SIRT4: variants seen among roughly 807,000 people sequenced by gnomAD.
The protein encoded by SIRT4 is NAD-dependent protein lipoamidase sirtuin-4, mitochondrial.
SIRT4 carries 23 observed loss-of-function variants against 26.1 expected under a neutral mutation model. The ratio of observed to expected loss-of-function variants is 0.88; its 90% CI spans 0.63 to 1.25. SIRT4 has a LOEUF of 1.25. Ranked by LOEUF, SIRT4 falls within the 50% of genes most tolerant of loss-of-function variation. The probability of loss-of-function intolerance (pLI) is 0.00; values close to 1 mark genes in which losing one functional copy is unlikely to be tolerated. For synonymous variants in SIRT4, 155 were observed against 158.4 expected, an observed-to-expected ratio of 0.98 and a Z score of 0.16; for missense variants, 361 against 405.4, an observed-to-expected ratio of 0.89 and a Z score of 0.94.
chr12:120,312,570 C>T lies in SIRT4; in HGVS notation c.612C>T (p.Asp204=), dbSNP rs150373559. The T allele has an allele frequency of 1.1e-3, 1,729 of 1,614,162 alleles. 16 individuals are homozygous for T. The highest frequency in any genetic ancestry group is 5.9e-3 in the East Asian group (264 of 44,880). ...AEAHGLAPDG[D]VFLSEEQVRS... Reference sequence around the variant, plus strand: ...CCCATGGCCTGGCTCCTGATGGTGACGTCTTTCTCTCAGAGGAGCAAGTCC... The same window carrying T: ...CCCATGGCCTGGCTCCTGATGGTGATGTCTTTCTCTCAGAGGAGCAAGTCC... Residue 204 remains aspartate, a synonymous_variant, in exon 3 of 4, where the codon GAC becomes GAT. Coordinates refer to ENST00000202967, the MANE Select transcript of SIRT4 (RefSeq NM_012240.3).
rs768231075 is a variant in SIRT4, at chr12:120,303,970, C to T, written c.409C>T (p.Leu137=). 5.6e-6 allele frequency: 9 copies of T among 1,614,056 alleles called. No homozygotes were observed. In the East Asian group the frequency reaches 1.3e-4, roughly 24 times the overall value. ...GAGCACCTGGGAGAAACTCGGAAAG[C>T]TGTACTGGTTGGTGACCCAAAATGT... ...ALSTWEKLGK[L]YWLVTQNVDA... is the part of the protein sequence containing the mutation. Residue 137 remains leucine (L), a synonymous_variant, in exon 2 of 4, where the codon CTG becomes TTG. Coordinates refer to ENST00000202967, the MANE Select transcript of SIRT4 (RefSeq NM_012240.3).
At chr12:120,293,146 G>C in the SIRT4 span, 7 of 152,150 alleles carry the variant, frequency 4.6e-5, no homozygotes, top group East Asian at 1.9e-4. Flanking sequence ...ATTGCAAGTC[G>C]TCACGGCGGG....
chr12:120,307,804 G>C (rs1872799092), intron 2 of SIRT4, among the ~76,000 whole-genome samples: 1 of 152,044 alleles, frequency 6.6e-6, no homozygotes, highest in African/African-American at 2.4e-5. Flanking sequence ...GTTGTAATGA[G>C]CTGAAATCGC....
the SIRT4 span, among the ~76,000 whole-genome samples, chr12:120,294,531 AC>A: frequency 6.6e-6 from 1 of 151,974 alleles, no homozygotes; most frequent in Non-Finnish European, 1.5e-5. Context: ...TGCTGGGATT[AC>A]AGCCGTGAGC....
intron 2 of SIRT4, among the ~76,000 whole-genome samples, chr12:120,304,645 AAAAAAG>A (rs1323799242): frequency 1.8e-4 from 27 of 150,508 alleles, no homozygotes; most frequent in African/African-American, 6.6e-4. Flanking sequence ...AAAAAAAAGA[AAAAAAG>A]AAAAAAAAAA....
chr12:120,306,629 C>T (rs1872756761), intron 2 of SIRT4, among the ~76,000 whole-genome samples: 1 of 152,074 alleles, frequency 6.6e-6, no homozygotes, highest in Admixed American at 6.6e-5. Context: ...CGGTGAAACC[C>T]CATCTCTACT....
At chr12:120,293,853 T>C in the SIRT4 span, among the ~76,000 whole-genome samples, 2 of 1,716 alleles carry the variant, frequency 1.2e-3, no homozygotes, top group African/African-American at 0.056. Context: ...GTGAGTACTT[T>C]ATATATATAT....
At chr12:120,301,770 G>T (rs1334230785), upstream of SIRT4, among the ~76,000 whole-genome samples, 1 of 151,676 alleles carries the variant, frequency 6.6e-6, no homozygotes, top group Non-Finnish European at 1.5e-5. Flanking sequence ...AAGAAAAAAA[G>T]ACAAAAAATA....
At chr12:120,307,341 T>C (rs2522141) in intron 2 of SIRT4, among the ~76,000 whole-genome samples, 32,088 of 151,872 alleles carry the variant, frequency 0.21, 4,172 homozygotes, top group African/African-American at 0.38. Context: ...AATAAAAGAT[T>C]GGCCAGGCGT....
the SIRT4 span, among the ~76,000 whole-genome samples, chr12:120,296,938 C>CA: frequency 1.3e-5 from 2 of 151,900 alleles, no homozygotes; most frequent in Non-Finnish European, 2.9e-5. Context: ...GTGAGAAAAA[C>CA]ACTAGGCCAG....
rs201905544 is a variant in SIRT4, at chr12:120,312,931, C to A, written c.840C>A (p.Leu280=). ...RFILTAWEKK[L]PIAILNIGPT... is the part of the protein sequence containing the mutation. ...TCCTCACTGCCTGGGAGAAGAAGCT[C>A]CCGATTGCAATACTGAACATTGGGC... is the stretch of plus-strand genomic sequence containing the variant. The change falls in exon 4 of 4, where the codon CTC becomes CTA. Residue 280 remains leucine, a synonymous_variant. Transcript: ENST00000202967. 6.2e-7 allele frequency: 1 copy of A among 1,614,136 alleles called. No individual in the cohort carries two copies. Among genetic ancestry groups the A allele is most frequent in the South Asian group, 1.1e-5 (1 of 91,076 alleles).
At chr12:120,309,405 T>A (rs1029218917) in intron 2 of SIRT4, among the ~76,000 whole-genome samples, 2 of 151,132 alleles carry the variant, frequency 1.3e-5, no homozygotes, top group Non-Finnish European at 2.9e-5. Context: ...GGGGCCTTTT[T>A]TTCTTTTCTT....
the SIRT4 span, among the ~76,000 whole-genome samples, chr12:120,297,223 A>AAAAT: frequency 3.0e-3 from 441 of 147,436 alleles, 2 homozygotes; most frequent in African/African-American, 0.01. Context: ...ACTCCGTCTC[A>AAAAT]AAATAAATAA....
At chr12:120,297,173 A>G in the SIRT4 span, among the ~76,000 whole-genome samples, 4 of 152,098 alleles carry the variant, frequency 2.6e-5, no homozygotes, top group African/African-American at 9.7e-5. Context: ...CAGTGAGCCT[A>G]GATTGCGCCA....
chr12:120,304,116 G>A, intron 2 of SIRT4, 58 bp downstream of exon 2: 1 of 1,568,820 alleles, frequency 6.4e-7, no homozygotes, highest in Non-Finnish European at 8.6e-7. Context: ...GGAGAGTAGG[G>A]ACCTTGGCTG....
intron 2 of SIRT4, among the ~76,000 whole-genome samples, chr12:120,306,966 CTCAA>C (rs1451937728): frequency 6.6e-6 from 1 of 152,112 alleles, no homozygotes; most frequent in Non-Finnish European, 1.5e-5. Flanking sequence ...GTAGTCAGAA[CTCAA>C]TCAATAATGA....
chr12:120,292,960 C>G, the SIRT4 span: 3 of 152,162 alleles, frequency 2.0e-5, no homozygotes, highest in South Asian at 2.1e-4. Context: ...TGCAGGTGCT[C>G]TCGCGAATCA....
the SIRT4 span, chr12:120,293,243 G>C: frequency 2.0e-5 from 3 of 152,282 alleles, no homozygotes; most frequent in African/African-American, 2.4e-5. Context: ...AAGCTAATTT[G>C]TTACGCCCCC....
chr12:120,293,203 C>G, the SIRT4 span: 6 of 152,164 alleles, frequency 3.9e-5, no homozygotes, highest in African/African-American at 1.4e-4. Context: ...CTCGGATAGA[C>G]CTCATTGGCT....
Sources: gnomAD v4.1 joint callset for allele counts (sites outside exome capture counted in the v4.1 genomes callset) on GRCh38, gnomAD v4.1.1 for gene constraint, MANE v1.5 for transcripts, NCBI Gene and HGNC (gene_info 2026-07-23, HGNC 2026-07-21) for gene names.